C4orf50: variants seen among roughly 807,000 people sequenced by gnomAD.
C4orf50 encodes the protein chromosome 4 open reading frame 50.
A neutral mutation model predicts 77.2 loss-of-function variants in C4orf50; 80 were observed. The observed-to-expected ratio is 1.04, with a 90% CI of 0.87 to 1.25. The LOEUF (loss-of-function observed/expected upper bound fraction) is 1.25. C4orf50 is among the 50% of genes most tolerant of loss of function. The pLI, the probability that C4orf50 is intolerant of heterozygous loss-of-function variation, is 0.00. For missense variants in C4orf50, 1,257 were observed against 1,152.9 expected (o/e 1.09, Z -1.31); for synonymous variants, 532 against 465.3 (o/e 1.14, Z -1.84).
At chr4:5,924,324 C>A (rs1717415692) in intron 7 of C4orf50, among the ~76,000 whole-genome samples, 1 of 152,176 alleles carries the variant, frequency 6.6e-6, no homozygotes, top group Admixed American at 6.5e-5. Context: ...TAGTCGATTT[C>A]TGATTAAACT....
At position 5,908,574 on chromosome 4, in the gene C4orf50, G is replaced by A. The variant is rs1716656388; in HGVS notation, c.*2475-10386C>T. Among the ~76,000 whole-genome samples, 1 of 152,034 alleles carries A rather than the reference G, an allele frequency of 6.6e-6. No homozygotes were observed. Among genetic ancestry groups the A allele is most frequent in the Non-Finnish European group, 1.5e-5 (1 of 68,006 alleles). ...CAGGGAGACGACCATGCGATGGGGA[G>A]GGGGGAAAGCCCTGGGGTATCAGAA... is the stretch of plus-strand genomic sequence containing the variant. On this transcript the variant is annotated intron_variant, in intron 7 of 7. Coordinates refer to the C4orf50 transcript ENST00000324058. The surrounding 1 kb of genome is among the most constrained non-coding windows in gnomAD (Gnocchi z 5.6).
intron 25 of C4orf50, among the ~76,000 whole-genome samples, chr4:5,998,810 G>A (rs952336313): frequency 1.3e-5 from 2 of 152,350 alleles, no homozygotes; most frequent in Admixed American, 1.3e-4. Flanking sequence ...GACATGGCAG[G>A]TGCCCAGTGC....
At position 6,008,444 on chromosome 4, in the gene C4orf50, T is replaced by C; in HGVS notation, c.515A>G (p.Gln172Arg). 2.5e-6 allele frequency: 1 copy of C among 396,988 alleles called. No individual in the cohort carries two copies. The highest frequency in any genetic ancestry group is 4.4e-6 in the Non-Finnish European group (1 of 225,028). 24.6% of individuals were successfully genotyped at this position (396,988 alleles called of 1,614,324 possible). A position where few individuals can be genotyped will look rare whatever the true frequency, so the allele number is the denominator to read the frequency against. ...GCAGCGCTCCAGGGCCGCCGCCTGCTGCCCCAGTGCCTCGTCCTTGCGCCG... is the reference window on the plus strand; with the variant it reads ...GCAGCGCTCCAGGGCCGCCGCCTGCCGCCCCAGTGCCTCGTCCTTGCGCCG... The change falls in exon 25 of 34, where the codon CAG (glutamine) becomes CGG (arginine). Residue 172 changes from glutamine (Q) to arginine (R), a missense_variant. Physicochemically the swap from Gln to Arg is conservative, Grantham distance 43. Coordinates refer to ENST00000531445, the Ensembl canonical transcript of C4orf50. This position sits in a 1 kb window ranked among gnomAD's most constrained non-coding sequence, Gnocchi z 6.0.
At chr4:5,997,143 G>C (rs1225533042) in intron 25 of C4orf50, among the ~76,000 whole-genome samples, 1 of 152,224 alleles carries the variant, frequency 6.6e-6, no homozygotes, top group Non-Finnish European at 1.5e-5. Context: ...TAGATAAATA[G>C]AAAAAGGGAG....
rs1335142606 is a variant in C4orf50 at position 5,980,197 on chromosome 4, G to A, written c.3841C>T (p.Leu1281Phe). 2.5e-6 allele frequency: 4 copies of A among 1,602,098 alleles called. No homozygotes were observed. The African/African-American group carries it at 4.0e-5, about 16-fold the overall frequency. ...ACCTTGGCCTGGAGCTCCTCCTGGAGGCGGGTGGCCTCGTCCAGAGACGCC... is the reference window on the plus strand; with the variant it reads ...ACCTTGGCCTGGAGCTCCTCCTGGAAGCGGGTGGCCTCGTCCAGAGACGCC... The change falls in exon 29 of 34, where the codon CTC (leucine) becomes TTC (phenylalanine). Residue 1281 changes from leucine to phenylalanine, a missense_variant. Coordinates refer to ENST00000531445, the Ensembl canonical transcript of C4orf50.
rs1347513992 is a variant in C4orf50 at position 5,919,033 on chromosome 4, G to A, written c.*2475-20845C>T. Among the ~76,000 whole-genome samples the A allele has an allele frequency of 6.6e-6, 1 of 152,234 alleles. No homozygotes were observed. Among genetic ancestry groups the A allele is most frequent in the Admixed American group, 6.5e-5 (1 of 15,292 alleles). ...CGGAGGAGTCAAAGGGCTTGCCCAAGTCTCGGTGCTTCTCAAGAGAACTTG... is the reference window on the plus strand; with the variant it reads ...CGGAGGAGTCAAAGGGCTTGCCCAAATCTCGGTGCTTCTCAAGAGAACTTG... On this transcript the variant is annotated intron_variant, in intron 7 of 7. Transcript: ENST00000324058. This position sits in a 1 kb window ranked among gnomAD's most constrained non-coding sequence, Gnocchi z 6.5.
intron 7 of C4orf50, chr4:5,923,314 A>G (rs958209445): frequency 6.5e-6 from 1 of 154,328 alleles, no homozygotes; most frequent in Non-Finnish European, 1.5e-5. Context: ...CAACAAGAAC[A>G]AGGACAGAAA....
Position 5,900,997 on chromosome 4 carries a change from G to A in C4orf50, c.*2475-2809C>T, listed in dbSNP as rs980977761. On this transcript the variant is annotated intron_variant, in intron 7 of 7. Transcript: ENST00000324058. This position sits in a 1 kb window ranked among gnomAD's most constrained non-coding sequence, Gnocchi z 4.3. ...GTTGCAGCCCATTGGTCTGCAGAGC[G>A]ATCAAACCACACTACCTCAGCGTGT... is the stretch of plus-strand genomic sequence containing the variant. The A allele has an allele frequency of 3.3e-5, 5 of 152,330 alleles. No homozygotes were observed. The highest frequency in any genetic ancestry group is 4.4e-5 in the Non-Finnish European group (3 of 68,044). The allele number at this position is 152,330 out of a possible 1,614,324, so 9.4% of individuals were successfully genotyped here. A position where few individuals can be genotyped will look rare whatever the true frequency, so the allele number is the denominator to read the frequency against.
At chr4:5,923,668 A>G (rs542071478) in intron 7 of C4orf50, among the ~76,000 whole-genome samples, 1 of 152,242 alleles carries the variant, frequency 6.6e-6, no homozygotes, top group South Asian at 2.1e-4. Context: ...GTCACTCCTA[A>G]CCCAGCCCCT....
chr4:5,993,150 C>T (rs1041614037), intron 26 of C4orf50, among the ~76,000 whole-genome samples: 4 of 152,040 alleles, frequency 2.6e-5, no homozygotes, highest in Non-Finnish European at 5.9e-5. Flanking sequence ...GGGCAGAGAC[C>T]CCAGGGCTCC....
At chr4:5,993,866 A>T (rs899676133) in intron 26 of C4orf50, among the ~76,000 whole-genome samples, 1 of 148,346 alleles carries the variant, frequency 6.7e-6, no homozygotes, top group African/African-American at 2.5e-5. Context: ...ATAAAAAAAA[A>T]AAAGAGAGAG....
chr4:6,014,709 A>G (rs548879401), intron 23 of C4orf50, among the ~76,000 whole-genome samples: 1 of 152,304 alleles, frequency 6.6e-6, no homozygotes, highest in Non-Finnish European at 1.5e-5. Flanking sequence ...CAGTTTACTC[A>G]TCTGTCAAAG....
chr4:5,925,038 A>C (rs58368186), intron 7 of C4orf50, among the ~76,000 whole-genome samples: 3,764 of 151,924 alleles, frequency 0.025, 129 homozygotes, highest in African/African-American at 0.084. Context: ...GGAGGTTCGC[A>C]GTGGTGGCCA....
At chr4:5,942,529 G>A (rs1718311704) in intron 7 of C4orf50, among the ~76,000 whole-genome samples, 1 of 152,218 alleles carries the variant, frequency 6.6e-6, no homozygotes, top group East Asian at 1.9e-4. Context: ...ATGAGGGAGG[G>A]AGGCTTAAAT....
chr4:5,902,639 C>T (rs572425246), intron 7 of C4orf50: 2 of 152,208 alleles, frequency 1.3e-5, no homozygotes, highest in East Asian at 1.9e-4. Flanking sequence ...AAAGGTGTGG[C>T]CCCTTTTCCT....
At chr4:5,935,748 T>A (rs1717979826) in intron 7 of C4orf50, among the ~76,000 whole-genome samples, 1 of 134,230 alleles carries the variant, frequency 7.4e-6, no homozygotes, top group South Asian at 2.4e-4. Flanking sequence ...ATTGCGCCAT[T>A]GCACTCCAGG....
intron 7 of C4orf50, chr4:5,899,614 G>A (rs1281124033): frequency 1.3e-5 from 2 of 152,188 alleles, no homozygotes; most frequent in Non-Finnish European, 2.9e-5. Context: ...TCCTAGCTAG[G>A]AGCATAAATA....
intron 7 of C4orf50, among the ~76,000 whole-genome samples, chr4:5,946,194 CA>C (rs1431068879): frequency 2.0e-5 from 3 of 152,192 alleles, no homozygotes; most frequent in African/African-American, 4.8e-5. Flanking sequence ...GAGCAGGACA[CA>C]CCCTCTGCTT....
chr4:5,959,640 G>T lies in C4orf50; in HGVS notation c.4276-14C>A. The T allele has an allele frequency of 6.2e-7, 1 of 1,606,766 alleles. No individual in the cohort carries two copies. The highest frequency in any genetic ancestry group is 1.1e-5 in the South Asian group (1 of 90,534). On this transcript the variant is annotated splice_polypyrimidine_tract_variant and intron_variant, in intron 33 of 33. Coordinates refer to ENST00000531445, the Ensembl canonical transcript of C4orf50. ...GGACAGAGGGAGCTGCAGGCAAGAG[G>T]ACAATGAAATGGTCTCTGCGTCCAC...
Sources: gnomAD v4.1 joint callset for allele counts (sites outside exome capture counted in the v4.1 genomes callset) on GRCh38, gnomAD v4.1.1 for gene constraint, Gnocchi (gnomAD v3.1) non-coding constraint, MANE v1.5 for transcripts, NCBI Gene and HGNC (gene_info 2026-07-23, HGNC 2026-07-21) for gene names.